MAGI2: variants seen among roughly 807,000 people sequenced by gnomAD.
MAGI2 encodes the protein membrane-associated guanylate kinase, WW and PDZ domain-containing protein 2.
Under a neutral mutation model 133.3 loss-of-function variants are expected in MAGI2, and 35 were observed. The ratio of observed to expected loss-of-function variants is 0.26; its 90% CI spans 0.20 to 0.35. The LOEUF (loss-of-function observed/expected upper bound fraction) is 0.35. Among genes scored for constraint, MAGI2 ranks in the 10% least tolerant of loss-of-function variants. MAGI2 has a pLI of 1.00. For missense variants in MAGI2, 1,636 were observed against 1,863.4 expected, an observed-to-expected ratio of 0.88 and a Z score of 2.25; for synonymous variants, 729 against 710.6, an observed-to-expected ratio of 1.03 and a Z score of -0.41.
chr7:78,067,064 C>G (rs746576562), intron 21 of MAGI2, among the ~76,000 whole-genome samples: 4 of 152,124 alleles, frequency 2.6e-5, no homozygotes, highest in African/African-American at 9.7e-5. Context: ...CCTAACACCT[C>G]GAGGTTAAAT....
chr7:78,659,218 A>G (rs1349630822), intron 2 of MAGI2, among the ~76,000 whole-genome samples: 1 of 152,002 alleles, frequency 6.6e-6, no homozygotes, highest in Non-Finnish European at 1.5e-5. Context: ...TGGGAGGCCG[A>G]GGCAGGCGGA....
chr7:78,081,465 C>T (rs777167230), intron 20 of MAGI2, among the ~76,000 whole-genome samples: 7 of 152,110 alleles, frequency 4.6e-5, no homozygotes, highest in Non-Finnish European at 1.0e-4. Flanking sequence ...ACTAAGGGCA[C>T]AGAAAGAACA....
In MAGI2 at chr7:78,501,292, A is replaced by T. The variant is rs138145641; in HGVS notation, c.965+285T>A. Among the ~76,000 whole-genome samples, 442 of 152,112 alleles carry T rather than the reference A, an allele frequency of 2.9e-3. 6 individuals carry two copies. The highest frequency in any genetic ancestry group is 1.4e-3 in the Non-Finnish European group (92 of 68,008). On this transcript the variant is annotated intron_variant, in intron 5 of 21. Transcript: ENST00000354212. Reference sequence around the variant, plus strand: ...AGCACTTTCTCATGATATCTAGACTATTCCTAATTCAATAATAACATCACA... The same window carrying T: ...AGCACTTTCTCATGATATCTAGACTTTTCCTAATTCAATAATAACATCACA...
At chr7:78,073,535 A>G (rs1330673219) in intron 21 of MAGI2, among the ~76,000 whole-genome samples, 1 of 152,126 alleles carries the variant, frequency 6.6e-6, no homozygotes, top group Non-Finnish European at 1.5e-5. Context: ...GCATGTTCCT[A>G]TTATATTTTG....
At chr7:78,514,821 G>A (rs895786398) in intron 4 of MAGI2, among the ~76,000 whole-genome samples, 4 of 152,204 alleles carry the variant, frequency 2.6e-5, no homozygotes, top group African/African-American at 7.2e-5. Flanking sequence ...GGTGAACTGA[G>A]ATCATTGCCG....
At chr7:78,973,111 T>A (rs532811080) in intron 2 of MAGI2, among the ~76,000 whole-genome samples, 1 of 151,912 alleles carries the variant, frequency 6.6e-6, no homozygotes, top group Admixed American at 6.6e-5. Flanking sequence ...GCTGTTCTGA[T>A]TGTCATAAGG....
intron 1 of MAGI2, among the ~76,000 whole-genome samples, chr7:79,286,059 G>T (rs150197567): frequency 2.6e-4 from 39 of 152,064 alleles, no homozygotes; most frequent in Non-Finnish European, 4.4e-4. Context: ...GCATGTGTTG[G>T]AAACAACTAC....
At chr7:79,372,448 A>G (rs1843107268) in intron 1 of MAGI2, among the ~76,000 whole-genome samples, 1 of 152,130 alleles carries the variant, frequency 6.6e-6, no homozygotes, top group South Asian at 2.1e-4. Context: ...AATAGACTAG[A>G]CTTAGAGTAG....
intron 2 of MAGI2, among the ~76,000 whole-genome samples, chr7:78,924,719 AG>A (rs1799552772): frequency 6.6e-6 from 1 of 152,064 alleles, no homozygotes; most frequent in Non-Finnish European, 1.5e-5. Flanking sequence ...TAAATGAGTT[AG>A]GGAGGATTCC....
At position 78,964,076 on chromosome 7, in the gene MAGI2, G is replaced by A. The variant is rs552907196; in HGVS notation, c.418+43014C>T. On this transcript the variant is annotated intron_variant, in intron 2 of 21. Transcript: ENST00000354212. ...TTAGATATGTTTTATCTGAGGGAAG[G>A]GTTATTTAGTTTAGCCCTCCTACTT... Among the ~76,000 whole-genome samples, 261 of 151,804 alleles carry A rather than the reference G, an allele frequency of 1.7e-3. 2 individuals carry two copies. The highest frequency in any genetic ancestry group is 2.4e-3 in the Non-Finnish European group (161 of 67,902).
intron 1 of MAGI2, among the ~76,000 whole-genome samples, chr7:79,257,935 A>C (rs1043526078): frequency 2.0e-5 from 3 of 152,198 alleles, no homozygotes; most frequent in Non-Finnish European, 4.4e-5. Flanking sequence ...GATTTATAGT[A>C]TTCTCACTGG....
chr7:78,516,970 A>C (rs1008368591), intron 4 of MAGI2, among the ~76,000 whole-genome samples: 3 of 152,216 alleles, frequency 2.0e-5, no homozygotes, highest in South Asian at 4.1e-4. Context: ...CTGTGGGAGA[A>C]GAGTTTAAGT....
intron 3 of MAGI2, among the ~76,000 whole-genome samples, chr7:78,608,471 G>A (rs1054824491): frequency 1.1e-3 from 169 of 149,690 alleles, no homozygotes; most frequent in African/African-American, 3.6e-3. Flanking sequence ...GTGTGTGTAT[G>A]TATATATATA....
Position 78,573,555 on chromosome 7 carries a change from G to C in MAGI2, c.539-51910C>G, listed in dbSNP as rs570863039. On this transcript the variant is annotated intron_variant, in intron 3 of 21. Coordinates refer to ENST00000354212, the MANE Select transcript of MAGI2 (RefSeq NM_012301.4). ...TTCGGGTCGCTTGATAAATGGGCCG[G>C]AGTAACACAATTTCTTTGAAGCCCT... Among the ~76,000 whole-genome samples the C allele has an allele frequency of 5.6e-4, 82 of 147,316 alleles. 1 individual carries two copies. The South Asian group carries it at 0.017, about 31-fold the overall frequency.
At chr7:78,133,626 C>T (rs976690731) in intron 17 of MAGI2, among the ~76,000 whole-genome samples, 2 of 152,200 alleles carry the variant, frequency 1.3e-5, no homozygotes, top group Admixed American at 6.5e-5. Flanking sequence ...TAAATAATTG[C>T]TTCTGGAATT....
intron 1 of MAGI2, among the ~76,000 whole-genome samples, chr7:79,307,400 A>G (rs1172018201): frequency 6.6e-6 from 1 of 152,158 alleles, no homozygotes; most frequent in African/African-American, 2.4e-5. Flanking sequence ...GAGTCTAGGT[A>G]AAGAATTACG....
chr7:78,125,933 A>C, intron 19 of MAGI2, 96 bp from the exon 20 acceptor site: 1 of 1,215,954 alleles, frequency 8.2e-7, no homozygotes, highest in Non-Finnish European at 1.2e-6. Flanking sequence ...CTCTTAGTTA[A>C]TGTATTCCAA....
At chr7:79,400,933 A>C (rs928367768) in intron 1 of MAGI2, among the ~76,000 whole-genome samples, 10 of 152,120 alleles carry the variant, frequency 6.6e-5, no homozygotes, top group African/African-American at 2.4e-4. Context: ...GCCAGCTCTC[A>C]ATATGACAGA....
intron 20 of MAGI2, among the ~76,000 whole-genome samples, chr7:78,089,704 C>T (rs1816994867): frequency 1.3e-5 from 2 of 152,190 alleles, no homozygotes; most frequent in Admixed American, 1.3e-4. Flanking sequence ...GTTTCCAAGT[C>T]CCGTCAGTTC....
Sources: gnomAD v4.1 joint callset for allele counts (sites outside exome capture counted in the v4.1 genomes callset) on GRCh38, gnomAD v4.1.1 for gene constraint, MANE v1.5 for transcripts, NCBI Gene and HGNC (gene_info 2026-07-23, HGNC 2026-07-21) for gene names.